Variants in SYN3 observed in about 807,000 individuals in gnomAD.
SYN3 encodes the protein synapsin III.
A neutral mutation model predicts 65.8 loss-of-function variants in SYN3; 35 were observed. The observed-to-expected ratio is 0.53, with a 90% CI of 0.41 to 0.70. The LOEUF is 0.70. SYN3 is among the 30% of genes least tolerant of loss of function. The pLI is 0.00. For synonymous variants in SYN3, 270 were observed against 292.9 expected, an observed-to-expected ratio of 0.92 and a Z score of 0.80; for missense variants, 680 against 749.0, an observed-to-expected ratio of 0.91 and a Z score of 1.08.
At chr22:32,901,166 T>A (rs1020113638) in intron 4 of SYN3, among the ~76,000 whole-genome samples, 2 of 152,226 alleles carry the variant, frequency 1.3e-5, no homozygotes, top group African/African-American at 2.4e-5. Flanking sequence ...CAGTAACAAG[T>A]ACTTGAACAT....
intron 3 of SYN3, among the ~76,000 whole-genome samples, chr22:32,956,061 T>TATATATATATATATATATAA (rs1263294092): frequency 7.0e-6 from 1 of 142,918 alleles, no homozygotes; most frequent in Non-Finnish European, 1.5e-5. Flanking sequence ...TATATATATA[T>TATATATATATATATATATAA]AAAATCTCCT....
intron 4 of SYN3, among the ~76,000 whole-genome samples, chr22:32,870,963 C>G (rs969933834): frequency 6.6e-6 from 1 of 152,154 alleles, no homozygotes; most frequent in Non-Finnish European, 1.5e-5. Flanking sequence ...TTGTCTGTTT[C>G]TTTTTAATGG....
intron 7 of SYN3, among the ~76,000 whole-genome samples, chr22:32,581,553 T>C (rs2058941791): frequency 6.6e-6 from 1 of 152,186 alleles, no homozygotes; most frequent in South Asian, 2.1e-4. Context: ...TTAAGCTCAA[T>C]GGTCCCCTAT....
chr22:32,868,526 C>T (rs544160702), intron 5 of SYN3, among the ~76,000 whole-genome samples: 8 of 151,974 alleles, frequency 5.3e-5, no homozygotes, highest in South Asian at 2.1e-4. Context: ...CCACAACCTC[C>T]GCCTCCCGGG....
chr22:32,938,207 A>G (rs2050828814), intron 3 of SYN3, among the ~76,000 whole-genome samples: 1 of 152,208 alleles, frequency 6.6e-6, no homozygotes, highest in Non-Finnish European at 1.5e-5. Flanking sequence ...AGAAGATAGT[A>G]GTAAATCTTC....
intron 7 of SYN3, among the ~76,000 whole-genome samples, chr22:32,570,873 AG>A (rs1266547282): frequency 6.6e-6 from 1 of 152,148 alleles, no homozygotes; most frequent in African/African-American, 2.4e-5. Context: ...AGGATGATTT[AG>A]GGGGGACACA....
At chr22:32,978,767 A>C (rs190426786) in intron 3 of SYN3, among the ~76,000 whole-genome samples, 1,754 of 152,296 alleles carry the variant, frequency 0.012, 18 homozygotes, top group Non-Finnish European at 0.019. Context: ...TCTGAGCCCA[A>C]GTTTCCTCAG....
rs2059621694 is a variant in SYN3, at chr22:32,623,356, C to T, written c.712-26620G>A. Reference sequence around the variant, plus strand: ...AGATGCATGCCATCACAGCTGGCTACTATTTTATGTTTTATTTTTTGTAGT... The same window carrying T: ...AGATGCATGCCATCACAGCTGGCTATTATTTTATGTTTTATTTTTTGTAGT... On this transcript the variant is annotated intron_variant, in intron 6 of 13. Coordinates refer to ENST00000358763, the MANE Select transcript of SYN3 (RefSeq NM_003490.4). Among the ~76,000 whole-genome samples the T allele has an allele frequency of 2.0e-5, 3 of 151,902 alleles. No individual in the cohort carries two copies. The South Asian group carries it at 6.2e-4, about 32-fold the overall frequency.
intron 6 of SYN3, among the ~76,000 whole-genome samples, chr22:32,749,167 A>C (rs2045032073): frequency 6.6e-6 from 1 of 152,082 alleles, no homozygotes; most frequent in Non-Finnish European, 1.5e-5. Context: ...TTTTCGGTTC[A>C]TAGACGACTG....
rs554803929 is a variant in SYN3, at chr22:32,754,562, T to A, written c.711+110353A>T. Among the ~76,000 whole-genome samples, 7 of 152,334 alleles carry A rather than the reference T, an allele frequency of 4.6e-5. No individual in the cohort carries two copies. The East Asian group carries it at 1.3e-3, about 29-fold the overall frequency. ...CTCTCCTGCTGCCGCAGACCTGATA[T>A]GTGAAGAGTTGGTCCTGAGCAAGGC... On this transcript the variant is annotated intron_variant, in intron 6 of 13. Transcript: ENST00000358763.
intron 4 of SYN3, among the ~76,000 whole-genome samples, chr22:32,922,301 T>A (rs1601701302): frequency 6.6e-6 from 1 of 152,334 alleles, no homozygotes; most frequent in East Asian, 1.9e-4. Context: ...GCTGGAGAAC[T>A]GGATGTCATT....
chr22:32,815,280 C>T (rs2047058266), intron 6 of SYN3, among the ~76,000 whole-genome samples: 1 of 152,188 alleles, frequency 6.6e-6, no homozygotes, highest in Non-Finnish European at 1.5e-5. Flanking sequence ...TTGTGGGTCC[C>T]AGTGCAGGGA....
intron 12 of SYN3, among the ~76,000 whole-genome samples, chr22:32,520,389 A>G (rs1031412741): frequency 6.6e-6 from 1 of 151,602 alleles, no homozygotes; most frequent in Non-Finnish European, 1.5e-5. Context: ...CTCCCACCTT[A>G]GCCTCCCAAA....
At chr22:32,976,961 T>C (rs573800815) in intron 3 of SYN3, among the ~76,000 whole-genome samples, 5 of 150,842 alleles carry the variant, frequency 3.3e-5, no homozygotes, top group African/African-American at 1.2e-4. Context: ...CCTGAGACTT[T>C]TCCCAAGTGC....
At chr22:33,016,611 G>C (rs1481989714) in intron 1 of SYN3, among the ~76,000 whole-genome samples, 1 of 152,200 alleles carries the variant, frequency 6.6e-6, no homozygotes, top group Non-Finnish European at 1.5e-5. Flanking sequence ...GGTGTGAGGT[G>C]AGATCTCATT....
chr22:32,703,012 G>A (rs1334153496), intron 6 of SYN3, among the ~76,000 whole-genome samples: 1 of 152,334 alleles, frequency 6.6e-6, no homozygotes, highest in South Asian at 2.1e-4. Context: ...ATTAGTGAGT[G>A]TCTAGATGCT....
At chr22:32,931,534 C>A in intron 3 of SYN3, 53 bp from the exon 4 acceptor site, 1 of 1,248,226 alleles carries the variant, frequency 8.0e-7, no homozygotes, top group Non-Finnish European at 1.2e-6. Flanking sequence ...ACGGTGGTAA[C>A]AACGGTTAAC....
At chr22:32,543,908 G>A (rs1482601334) in intron 7 of SYN3, among the ~76,000 whole-genome samples, 1 of 152,218 alleles carries the variant, frequency 6.6e-6, no homozygotes, top group East Asian at 1.9e-4. Flanking sequence ...GGATGGCTGA[G>A]TAGAAAGATG....
At chr22:33,017,082 T>C (rs762600982) in intron 1 of SYN3, among the ~76,000 whole-genome samples, 4 of 152,226 alleles carry the variant, frequency 2.6e-5, no homozygotes, top group Non-Finnish European at 5.9e-5. Context: ...GGTGTTTTTT[T>C]GTATGATGTG....
Sources: allele counts gnomAD v4.1 joint callset (sites outside exome capture counted in the v4.1 genomes callset), GRCh38; gene constraint gnomAD v4.1.1; transcripts MANE v1.5; gene names NCBI Gene and HGNC (gene_info 2026-07-23, HGNC 2026-07-21).